ANK2: variants seen among roughly 807,000 people sequenced by gnomAD.
ANK2 encodes ankyrin-2.
A neutral mutation model predicts 360.5 loss-of-function variants in ANK2; 83 were observed. That is an observed-to-expected ratio of 0.23 (90% CI 0.19 to 0.28). ANK2 has a LOEUF of 0.28. Among genes scored for constraint, ANK2 ranks in the 10% least tolerant of loss-of-function variants. The pLI is 1.00. For synonymous variants in ANK2, 1,740 were observed against 1,759.5 expected (o/e 0.99, Z 0.28); for missense variants, 4,201 against 4,795.7 (o/e 0.88, Z 3.66).
intron 1 of ANK2, among the ~76,000 whole-genome samples, chr4:113,087,010 A>G (rs2085171643): frequency 1.3e-5 from 2 of 152,198 alleles, no homozygotes; most frequent in Admixed American, 1.3e-4. Context: ...TACAGACCTG[A>G]CCAAGACAGT....
chr4:112,831,973 T>A (rs2059863075), intron 1 of ANK2, among the ~76,000 whole-genome samples: 1 of 152,002 alleles, frequency 6.6e-6, no homozygotes, highest in South Asian at 2.1e-4. Context: ...AGGAAAAAAC[T>A]CCAGACGCAC....
At chr4:113,128,919 G>A (rs939263939) in intron 1 of ANK2, among the ~76,000 whole-genome samples, 1 of 152,178 alleles carries the variant, frequency 6.6e-6, no homozygotes, top group Non-Finnish European at 1.5e-5. Context: ...GTAGCAATGA[G>A]CAAACCTAGC....
chr4:112,958,025 C>T (rs190625240), intron 2 of ANK2, among the ~76,000 whole-genome samples: 3,135 of 151,654 alleles, frequency 0.021, 44 homozygotes, highest in Non-Finnish European at 0.033. Context: ...CTCCTCACTT[C>T]CTAGATGGGT....
At chr4:112,732,307 T>C in the ANK2 span, among the ~76,000 whole-genome samples, 2 of 149,956 alleles carry the variant, frequency 1.3e-5, no homozygotes, top group Non-Finnish European at 3.0e-5. Context: ...TGGAGTGCAG[T>C]GGCATGATCG....
At chr4:112,833,649 G>T (rs984162886) in intron 1 of ANK2, among the ~76,000 whole-genome samples, 4 of 152,110 alleles carry the variant, frequency 2.6e-5, no homozygotes, top group South Asian at 2.1e-4. Flanking sequence ...GACCACAGGC[G>T]CCCGACACCA....
At chr4:112,766,170 A>G in the ANK2 span, among the ~76,000 whole-genome samples, 3 of 152,068 alleles carry the variant, frequency 2.0e-5, no homozygotes, top group African/African-American at 7.2e-5. Flanking sequence ...CATCTCTATT[A>G]AAAATACAAA....
intron 24 of ANK2, among the ~76,000 whole-genome samples, chr4:113,314,804 C>T (rs1051954448): frequency 2.0e-5 from 3 of 151,996 alleles, no homozygotes; most frequent in South Asian, 2.1e-4. Context: ...GTAGATTATA[C>T]GACATCATTT....
chr4:112,948,736 G>A (rs75994832), intron 2 of ANK2, among the ~76,000 whole-genome samples: 2,770 of 152,246 alleles, frequency 0.018, 41 homozygotes, highest in Admixed American at 0.029. Context: ...ATATCAAAAC[G>A]TTATTGTTAT....
At chr4:112,933,795 C>T (rs2093480331) in intron 2 of ANK2, among the ~76,000 whole-genome samples, 1 of 151,898 alleles carries the variant, frequency 6.6e-6, no homozygotes, top group Non-Finnish European at 1.5e-5. Context: ...TCACTGTGCC[C>T]GGCAGAGATG....
At chr4:112,980,306 A>T (rs1404552197) in intron 2 of ANK2, 1 of 152,170 alleles carries the variant, frequency 6.6e-6, no homozygotes, top group Non-Finnish European at 1.5e-5. Context: ...GGCACTTCTG[A>T]GCCTGCAGGT....
At chr4:112,920,256 C>T (rs1378796420) in intron 2 of ANK2, among the ~76,000 whole-genome samples, 4 of 152,148 alleles carry the variant, frequency 2.6e-5, no homozygotes, top group Admixed American at 2.6e-4. Flanking sequence ...AATGAGAAGA[C>T]TCAGCTCATT....
chr4:113,066,707 G>A (rs1201691009), intron 1 of ANK2, among the ~76,000 whole-genome samples: 4 of 152,110 alleles, frequency 2.6e-5, no homozygotes, highest in Admixed American at 2.6e-4. Flanking sequence ...ATGAGGTGGT[G>A]AAAGCAGCCC....
intron 2 of ANK2, among the ~76,000 whole-genome samples, chr4:112,979,210 G>GT (rs966314844): frequency 2.6e-5 from 4 of 152,206 alleles, no homozygotes; most frequent in African/African-American, 9.6e-5. Context: ...GGGTGTGTGA[G>GT]TGAGTGTGGG....
At chr4:113,128,582 T>G (rs2095811802) in intron 1 of ANK2, among the ~76,000 whole-genome samples, 2 of 152,152 alleles carry the variant, frequency 1.3e-5, no homozygotes, top group South Asian at 4.1e-4. Context: ...CTCTGGCTCC[T>G]GGGTTAAAGC....
At chr4:113,315,694 C>G (rs536865975) in intron 24 of ANK2, among the ~76,000 whole-genome samples, 8 of 152,044 alleles carry the variant, frequency 5.3e-5, no homozygotes, top group East Asian at 1.9e-4. Flanking sequence ...GTCAGGAGAT[C>G]GAGACCATCC....
At chr4:112,727,079 T>C in the ANK2 span, among the ~76,000 whole-genome samples, 2 of 152,082 alleles carry the variant, frequency 1.3e-5, no homozygotes, top group Non-Finnish European at 2.9e-5. Context: ...AGAATAGTTA[T>C]GGTTAAAATA....
chr4:113,070,194 T>C (rs895152716), intron 1 of ANK2: 2 of 152,224 alleles, frequency 1.3e-5, no homozygotes, highest in African/African-American at 4.8e-5. Flanking sequence ...CAAATTTAAA[T>C]TAAAATGTAG....
rs375338689 is a variant in ANK2, at chr4:113,308,322, G to C, written c.2549-2933G>C. On this transcript the variant is annotated intron_variant, in intron 23 of 45. Coordinates refer to ENST00000357077, the MANE Select transcript of ANK2 (RefSeq NM_001148.6). ...GCACATTGACAAGGGGAGAGGTAAA[G>C]AAGATGAGTTCTGCTGTGGACATGC... is the stretch of plus-strand genomic sequence containing the variant. Among the ~76,000 whole-genome samples the C allele has an allele frequency of 2.4e-4, 37 of 152,218 alleles. 1 individual carries two copies. Among genetic ancestry groups the C allele is most frequent in the African/African-American group, 8.9e-4 (37 of 41,446 alleles).
At chr4:113,361,017 T>G in intron 39 of ANK2, 120 bp downstream of exon 39, 111 of 840,452 alleles carry the variant, frequency 1.3e-4, no homozygotes, top group Middle Eastern at 2.2e-4. Flanking sequence ...AAAAGAAGAA[T>G]AAACTAAGAA....
Sources: allele counts gnomAD v4.1 joint callset (sites outside exome capture counted in the v4.1 genomes callset), GRCh38; gene constraint gnomAD v4.1.1; transcripts MANE v1.5; gene names NCBI Gene and HGNC (gene_info 2026-07-23, HGNC 2026-07-21).